THADA: variants seen among roughly 807,000 people sequenced by gnomAD.
The protein encoded by THADA is tRNA (32-2'-O)-methyltransferase regulator THADA.
A neutral mutation model predicts 219.8 loss-of-function variants in THADA; 213 were observed. The observed-to-expected ratio is 0.97, with a 90% CI of 0.87 to 1.09. THADA has a LOEUF of 1.09. Ranked by LOEUF, THADA falls within the 50% of genes least tolerant of loss-of-function variation. The probability of loss-of-function intolerance (pLI) is 0.00; values close to 1 mark genes in which losing one functional copy is unlikely to be tolerated. For synonymous variants in THADA, 1,018 were observed against 828.9 expected (o/e 1.23, Z -3.92); for missense variants, 2,956 against 2,311.3 (o/e 1.28, Z -5.72).
At chr2:43,460,568 T>C (rs1683517286) in intron 26 of THADA, among the ~76,000 whole-genome samples, 1 of 152,146 alleles carries the variant, frequency 6.6e-6, no homozygotes, top group Non-Finnish European at 1.5e-5. Context: ...CATGCACCAA[T>C]CAATCAAACA....
chr2:43,483,160 A>G (rs1422859072), intron 26 of THADA, among the ~76,000 whole-genome samples: 1 of 152,212 alleles, frequency 6.6e-6, no homozygotes, highest in Non-Finnish European at 1.5e-5. Context: ...CTGACTTGTG[A>G]GGTGTGTCAC....
chr2:43,428,498 G>A (rs995159073), intron 27 of THADA, among the ~76,000 whole-genome samples: 1 of 152,028 alleles, frequency 6.6e-6, no homozygotes, highest in Non-Finnish European at 1.5e-5. Flanking sequence ...CCAGCTACTC[G>A]GGAGGCTGAG....
intron 26 of THADA, among the ~76,000 whole-genome samples, chr2:43,432,555 C>G (rs75934770): frequency 0.11 from 16,315 of 151,298 alleles, 987 homozygotes; most frequent in African/African-American, 0.15. Flanking sequence ...GATTAATATC[C>G]GAGAATAAAA....
At chr2:43,407,777 AG>A (rs1243634000) in intron 28 of THADA, among the ~76,000 whole-genome samples, 2 of 151,940 alleles carry the variant, frequency 1.3e-5, no homozygotes, top group African/African-American at 4.8e-5. Flanking sequence ...TCTCATTTTT[AG>A]TACTTAGATA....
chr2:43,232,309 G>C (rs561600147), intron 37 of THADA, among the ~76,000 whole-genome samples: 2 of 152,158 alleles, frequency 1.3e-5, no homozygotes, highest in Admixed American at 1.3e-4. Flanking sequence ...CTCCCGAGTA[G>C]CTGGGACTAC....
At chr2:43,511,648 T>TATA (rs1558882203) in intron 22 of THADA, among the ~76,000 whole-genome samples, 1 of 81,924 alleles carries the variant, frequency 1.2e-5, no homozygotes, top group Non-Finnish European at 2.7e-5. Flanking sequence ...CATACTAACA[T>TATA]ACAACACACA....
intron 29 of THADA, among the ~76,000 whole-genome samples, chr2:43,361,575 T>C (rs1343583849): frequency 6.6e-6 from 1 of 152,240 alleles, no homozygotes; most frequent in Non-Finnish European, 1.5e-5. Context: ...GCTTATGTTC[T>C]TTTTTGGCAG....
chr2:43,582,979 T>C (rs1043692321), intron 7 of THADA, among the ~76,000 whole-genome samples: 6 of 152,170 alleles, frequency 3.9e-5, no homozygotes, highest in African/African-American at 1.4e-4. Context: ...CTTTTTATGT[T>C]AGGAATGTCC....
At chr2:43,528,250 C>T (rs112340521) in intron 21 of THADA, among the ~76,000 whole-genome samples, 15,155 of 151,102 alleles carry the variant, frequency 0.1, 811 homozygotes, top group South Asian at 0.14. Context: ...CCTGCCTCAG[C>T]CTCCCAAGTA....
At chr2:43,539,535 C>T (rs776213874) in intron 21 of THADA, among the ~76,000 whole-genome samples, 5 of 152,124 alleles carry the variant, frequency 3.3e-5, no homozygotes, top group South Asian at 2.1e-4. Context: ...GTCAGCAATA[C>T]GAAGAATCAA....
At position 43,586,867 on chromosome 2, in the gene THADA, C is replaced by T. The variant is rs1289418030; in HGVS notation, c.438G>A (p.Glu146=). Residue 146 remains glutamate (E), a synonymous_variant, in exon 5 of 38, where the codon GAG becomes GAA. Transcript: ENST00000405975. Reference sequence around the variant, plus strand: ...GTGCAGCCTTACCCAAGTTAAAGTTCTCCATACAGGAAGAAATATTGTCAG... The same window carrying T: ...GTGCAGCCTTACCCAAGTTAAAGTTTTCCATACAGGAAGAAATATTGTCAG... ...KVTDNISSCM[E]NFNLGRASVN... The T allele has an allele frequency of 1.2e-6, 2 of 1,613,744 alleles. No homozygotes were observed. The highest frequency in any genetic ancestry group is 1.1e-5 in the South Asian group (1 of 91,022).
At chr2:43,350,506 G>A (rs553437561) in intron 29 of THADA, among the ~76,000 whole-genome samples, 3 of 152,336 alleles carry the variant, frequency 2.0e-5, no homozygotes, top group South Asian at 4.1e-4. Context: ...ACCCCAACTA[G>A]GCCGTAGGCC....
At chr2:43,399,386 T>C (rs1251873957) in intron 28 of THADA, among the ~76,000 whole-genome samples, 1 of 152,196 alleles carries the variant, frequency 6.6e-6, no homozygotes, top group Non-Finnish European at 1.5e-5. Flanking sequence ...GCTCAGTAAG[T>C]AGAGGGACAG....
At chr2:43,501,992 T>C (rs1238869159) in intron 24 of THADA, among the ~76,000 whole-genome samples, 1 of 151,266 alleles carries the variant, frequency 6.6e-6, no homozygotes, top group African/African-American at 2.4e-5. Context: ...CAAAGATAGA[T>C]TAATAGACAG....
At chr2:43,463,132 T>A (rs555391741) in intron 26 of THADA, 1 of 152,234 alleles carries the variant, frequency 6.6e-6, no homozygotes, top group Admixed American at 6.5e-5. Flanking sequence ...AGCAACTAAG[T>A]TGATTTAAGA....
At chr2:43,446,510 T>C (rs1246076933) in intron 26 of THADA, among the ~76,000 whole-genome samples, 2 of 152,112 alleles carry the variant, frequency 1.3e-5, no homozygotes, top group African/African-American at 2.4e-5. Flanking sequence ...GCCCCAGAAA[T>C]GTGAGTGTGA....
intron 36 of THADA, chr2:43,233,540 A>C (rs1667684582): frequency 6.6e-6 from 1 of 152,160 alleles, no homozygotes; most frequent in African/African-American, 2.4e-5. Context: ...ATGGGCTGTA[A>C]AAAGCAGGTG....
At chr2:43,549,847 T>C (rs1192397954) in intron 19 of THADA, among the ~76,000 whole-genome samples, 4 of 152,106 alleles carry the variant, frequency 2.6e-5, no homozygotes, top group Non-Finnish European at 4.4e-5. Context: ...TTCCCCATCA[T>C]AATACAAGGT....
chr2:43,525,207 A>G (rs6722104), intron 22 of THADA, among the ~76,000 whole-genome samples: 16,170 of 152,252 alleles, frequency 0.11, 953 homozygotes, highest in African/African-American at 0.15. Context: ...CAAGACTTAG[A>G]ATCACAGAAG....
Sources: allele counts gnomAD v4.1 joint callset (sites outside exome capture counted in the v4.1 genomes callset), GRCh38; gene constraint gnomAD v4.1.1; transcripts MANE v1.5; gene names NCBI Gene and HGNC (gene_info 2026-07-23, HGNC 2026-07-21).